The following EPB41 variants were observed in gnomAD, a reference collection of about 807,000 sequenced individuals.
The protein encoded by EPB41 is erythrocyte membrane protein band 4.1, also known as protein 4.1.
EPB41 carries 65 observed loss-of-function variants against 108.0 expected under a neutral mutation model. The observed-to-expected ratio is 0.60, with a 90% CI of 0.49 to 0.74. EPB41 has a LOEUF of 0.74. Ranked by LOEUF, EPB41 falls within the 30% of genes least tolerant of loss-of-function variation. The pLI, the probability that EPB41 is intolerant of heterozygous loss-of-function variation, is 0.00. For synonymous variants in EPB41, 336 were observed against 358.9 expected, an observed-to-expected ratio of 0.94 and a Z score of 0.72; for missense variants, 875 against 1,037.0, an observed-to-expected ratio of 0.84 and a Z score of 2.15.
chr1:28,921,648 TTACTACCTGCAGTCTTTCCAGTCTTGATG>T (rs2093079850), intron 1 of EPB41, among the ~76,000 whole-genome samples: 1 of 152,110 alleles, frequency 6.6e-6, no homozygotes, highest in South Asian at 2.1e-4. Context: ...TGTTGCCAGC[TTACTACCTGCAGTCTTTCCAGTCTTGATG>T]GTATTACGTA....
At chr1:28,946,540 G>A (rs751131600) in intron 1 of EPB41, among the ~76,000 whole-genome samples, 4 of 152,176 alleles carry the variant, frequency 2.6e-5, no homozygotes, top group Non-Finnish European at 5.9e-5. Context: ...TTATATTTTA[G>A]ATTCCACTTT....
intron 7 of EPB41, among the ~76,000 whole-genome samples, chr1:29,028,317 A>T (rs1156570473): frequency 6.6e-6 from 1 of 152,168 alleles, no homozygotes; most frequent in Non-Finnish European, 1.5e-5. Flanking sequence ...AATTCAAGTG[A>T]TCCAAATTGT....
intron 18 of EPB41, 91 bp from the exon 19 acceptor site, chr1:29,112,277 A>T: frequency 2.8e-6 from 3 of 1,061,918 alleles, no homozygotes; most frequent in Non-Finnish European, 2.9e-6. Context: ...TTGAGATTAC[A>T]AGTGTGAACC....
At chr1:28,986,943 A>G (rs1351742255) in intron 1 of EPB41, among the ~76,000 whole-genome samples, 1 of 152,210 alleles carries the variant, frequency 6.6e-6, no homozygotes, top group Admixed American at 6.5e-5. Flanking sequence ...AAGTCTCTGC[A>G]TCCTAAGAAA....
chr1:28,984,825 AT>A (rs1166690976), intron 1 of EPB41, among the ~76,000 whole-genome samples: 2 of 151,974 alleles, frequency 1.3e-5, no homozygotes, highest in Admixed American at 6.6e-5. Flanking sequence ...TACCTGGCTA[AT>A]TTTTAAATTT....
At chr1:28,989,610 A>T (rs575947188) in intron 2 of EPB41, among the ~76,000 whole-genome samples, 1 of 152,220 alleles carries the variant, frequency 6.6e-6, no homozygotes, top group South Asian at 2.1e-4. Context: ...AAAATTTAGG[A>T]TAAAATTATA....
chr1:29,046,677 G>A (rs925214016), intron 11 of EPB41, among the ~76,000 whole-genome samples: 3 of 151,928 alleles, frequency 2.0e-5, no homozygotes, highest in Admixed American at 2.0e-4. Flanking sequence ...TCCTTATATG[G>A]TATTTTCTTT....
chr1:29,069,568 G>A (rs1322426734), intron 16 of EPB41: 3 of 509,218 alleles, frequency 5.9e-6, no homozygotes, highest in Admixed American at 1.1e-4. Context: ...AAAACTAATT[G>A]CTATACTGAA....
intron 1 of EPB41, among the ~76,000 whole-genome samples, chr1:28,943,384 G>T (rs2094372995): frequency 6.6e-6 from 1 of 152,188 alleles, no homozygotes; most frequent in Non-Finnish European, 1.5e-5. Context: ...CGGGCGCTGT[G>T]GCTCATGCCT....
chr1:29,100,912 C>T (rs563723366), intron 17 of EPB41, among the ~76,000 whole-genome samples: 1 of 148,698 alleles, frequency 6.7e-6, no homozygotes, highest in East Asian at 2.0e-4. Flanking sequence ...CTGGGCAACA[C>T]ACCAAGACCC....
chr1:28,993,657 CTTTTTT>C lies in EPB41; in HGVS notation c.681+127_681+132del, dbSNP rs932117775. On this transcript the variant is annotated intron_variant, in intron 3 of 20. Coordinates refer to ENST00000343067, the MANE Select transcript of EPB41 (RefSeq NM_001376013.1). ...TCACTGTAGTGATTATTTCTTTTTT[CTTTTTT>C]TTTTTTTTTTTGAGACAGAGTTTTG... is the stretch of plus-strand genomic sequence containing the variant. 84 of 554,068 alleles carry C rather than the reference CTTTTTT, an allele frequency of 1.5e-4. 1 individual carries two copies. Among genetic ancestry groups the C allele is most frequent in the South Asian group, 9.0e-4 (45 of 50,142 alleles). 34.3% of individuals were successfully genotyped at this position (554,068 alleles called of 1,614,324 possible).
intron 4 of EPB41, among the ~76,000 whole-genome samples, chr1:29,004,300 G>C (rs2096359183): frequency 6.6e-6 from 1 of 152,170 alleles, no homozygotes. Context: ...AGGACTACAT[G>C]CAATTCAATG....
In EPB41 at chr1:29,118,088, C is replaced by G. The variant is rs1029670959; in HGVS notation, c.*1276C>G. 6.6e-6 allele frequency: 1 copy of G among 152,086 alleles called. No individual in the cohort carries two copies. Among genetic ancestry groups the G allele is most frequent in the African/African-American group, 2.4e-5 (1 of 41,388 alleles). 9.4% of individuals were successfully genotyped at this position (152,086 alleles called of 1,614,324 possible). A position where few individuals can be genotyped will look rare whatever the true frequency, so the allele number is the denominator to read the frequency against. On this transcript the variant is annotated 3_prime_UTR_variant, in exon 21 of 21. Coordinates refer to ENST00000343067, the MANE Select transcript of EPB41 (RefSeq NM_001376013.1). ...TGAAAGTGAAGATGATGCCCTAATT[C>G]CTGGTAAGGATTTGGGGCATAGTTT...
At chr1:28,931,258 C>T (rs866702626) in intron 1 of EPB41, among the ~76,000 whole-genome samples, 8 of 150,578 alleles carry the variant, frequency 5.3e-5, no homozygotes, top group African/African-American at 1.7e-4. Flanking sequence ...ATTAATGGGA[C>T]GTGGTGGCAT....
chr1:29,115,761 G>C lies in EPB41; in HGVS notation c.2559G>C (p.Val853=), dbSNP rs1484731265. 1 of 1,614,078 alleles carries C rather than the reference G, an allele frequency of 6.2e-7. No individual in the cohort carries two copies. Among genetic ancestry groups the C allele is most frequent in the East Asian group, 2.2e-5 (1 of 44,870 alleles). Residue 853 remains valine, a synonymous_variant, in exon 20 of 21, where the codon GTG becomes GTC. Transcript: ENST00000343067. The surrounding 1 kb of genome is among the most constrained non-coding windows in gnomAD (Gnocchi z 4.4). ...ACCCAGACATGTCAGTGACCAAGGT[G>C]GTCGTCCACCAGGAGACCGAGATTG... is the stretch of plus-strand genomic sequence containing the variant. ...EQHPDMSVTK[V]VVHQETEIAD...
rs868128950 is a variant in EPB41, at chr1:29,027,201, G to A, written c.1125-3199G>A. ...ACCTGAAGTGCAGTGCTATTTACAG[G>A]TGTGATTGTAACTCACTTACAGCCT... On this transcript the variant is annotated intron_variant, in intron 7 of 20. Coordinates refer to ENST00000343067, the MANE Select transcript of EPB41 (RefSeq NM_001376013.1). Among the ~76,000 whole-genome samples, 11 of 152,180 alleles carry A rather than the reference G, an allele frequency of 7.2e-5. 1 individual carries two copies. The Middle Eastern group carries it at 0.017, about 235-fold the overall frequency.
At chr1:29,000,178 A>G (rs1214456077) in intron 4 of EPB41, among the ~76,000 whole-genome samples, 1 of 151,510 alleles carries the variant, frequency 6.6e-6, no homozygotes, top group African/African-American at 2.4e-5. Flanking sequence ...TGCTCACTGC[A>G]ATCTCCACCT....
intron 5 of EPB41, among the ~76,000 whole-genome samples, chr1:29,015,338 G>A (rs2096564036): frequency 1.3e-5 from 2 of 152,148 alleles, no homozygotes; most frequent in African/African-American, 2.4e-5. Flanking sequence ...CGGGTGGATC[G>A]CCTGAGGTTG....
At position 29,030,047 on chromosome 1, in the gene EPB41, C is replaced by T. The variant is rs547413158; in HGVS notation, c.1125-353C>T. On this transcript the variant is annotated intron_variant, in intron 7 of 20. Coordinates refer to ENST00000343067, the MANE Select transcript of EPB41 (RefSeq NM_001376013.1). The stretch of plus-strand genomic sequence containing the variant: ...TCATCTCCTTGGCAAGAAAAATTAG[C>T]GGGAGGAGCTTATGTATGTCGGAGA... Among the ~76,000 whole-genome samples, 20 of 152,008 alleles carry T rather than the reference C, an allele frequency of 1.3e-4. No individual in the cohort carries two copies. The South Asian group carries it at 3.5e-3, about 27-fold the overall frequency.
Sources: allele counts gnomAD v4.1 joint callset (sites outside exome capture counted in the v4.1 genomes callset), GRCh38; gene constraint gnomAD v4.1.1; non-coding constraint Gnocchi (gnomAD v3.1); transcripts MANE v1.5; gene names NCBI Gene and HGNC (gene_info 2026-07-23, HGNC 2026-07-21).